NUP107: variants seen among roughly 807,000 people sequenced by gnomAD.
NUP107 encodes nuclear pore complex protein Nup107.
NUP107 carries 101 observed loss-of-function variants against 141.0 expected under a neutral mutation model. The ratio of observed to expected loss-of-function variants is 0.72; its 90% CI spans 0.61 to 0.84. The LOEUF is 0.84. Among genes scored for constraint, NUP107 ranks in the 40% least tolerant of loss-of-function variants. The pLI, the probability that NUP107 is intolerant of heterozygous loss-of-function variation, is 0.00. For synonymous variants in NUP107, 319 were observed against 363.9 expected, an observed-to-expected ratio of 0.88 and a Z score of 1.41; for missense variants, 941 against 1,102.7, an observed-to-expected ratio of 0.85 and a Z score of 2.08.
chr12:68,722,347 T>C (rs1877390874), intron 17 of NUP107, among the ~76,000 whole-genome samples, 195 bp downstream of exon 17: 1 of 152,182 alleles, frequency 6.6e-6, no homozygotes, highest in Non-Finnish European at 1.5e-5. Flanking sequence ...CGGATTAATT[T>C]CATCTAAGTA....
At chr12:68,690,564 G>A in intron 3 of NUP107, 67 bp from the exon 4 acceptor site, 1 of 1,601,224 alleles carries the variant, frequency 6.2e-7, no homozygotes. Flanking sequence ...TTGTTTGTTT[G>A]CTTACTTTGT....
chr12:68,705,702 T>G (rs1876545309), intron 8 of NUP107: 1 of 651,098 alleles, frequency 1.5e-6, no homozygotes, highest in South Asian at 1.4e-5. Context: ...TCAGTAGCCA[T>G]TCCTACATGT....
intron 7 of NUP107, among the ~76,000 whole-genome samples, chr12:68,701,622 C>T (rs557210044): frequency 1.3e-5 from 2 of 151,190 alleles, no homozygotes; most frequent in East Asian, 2.0e-4. Flanking sequence ...GCAGAGGTTG[C>T]GAGCCGAGAT....
chr12:68,737,262 A>G (rs1414597378), intron 26 of NUP107, among the ~76,000 whole-genome samples: 1 of 152,178 alleles, frequency 6.6e-6, no homozygotes, highest in African/African-American at 2.4e-5. Flanking sequence ...TAGTCTTGGG[A>G]TCTCATAAAA....
chr12:68,725,052 G>T (rs916585074), intron 17 of NUP107, among the ~76,000 whole-genome samples: 4 of 152,074 alleles, frequency 2.6e-5, no homozygotes, highest in African/African-American at 9.7e-5. Flanking sequence ...TTTCCATCCA[G>T]AAGAAAACAA....
chr12:68,721,054 T>C (rs1428836629), intron 14 of NUP107, 64 bp from the exon 15 acceptor site: 5 of 1,084,990 alleles, frequency 4.6e-6, no homozygotes, highest in Non-Finnish European at 7.0e-6. Flanking sequence ...CTCCACATTA[T>C]GAGGAAAATT....
chr12:68,718,182 G>A (rs898437040), intron 12 of NUP107, among the ~76,000 whole-genome samples: 2 of 152,150 alleles, frequency 1.3e-5, no homozygotes, highest in Admixed American at 6.5e-5. Context: ...GATACAAGAA[G>A]CTCCAAGCTT....
intron 21 of NUP107, among the ~76,000 whole-genome samples, 172 bp downstream of exon 21, chr12:68,731,432 T>C (rs1282895765): frequency 3.3e-5 from 5 of 152,252 alleles, no homozygotes; most frequent in Non-Finnish European, 7.3e-5. Context: ...CTGTAACTCA[T>C]ATGTAAAATA....
At chr12:68,726,352 A>C in intron 18 of NUP107, 147 bp from the exon 19 acceptor site, 1 of 557,694 alleles carries the variant, frequency 1.8e-6, no homozygotes, top group Non-Finnish European at 3.1e-6. Flanking sequence ...CTCTGTTTCA[A>C]AGAGGGTGTA....
At chr12:68,702,155 A>G (rs1012786899) in intron 7 of NUP107, among the ~76,000 whole-genome samples, 8 of 152,066 alleles carry the variant, frequency 5.3e-5, no homozygotes, top group Non-Finnish European at 1.2e-4. Flanking sequence ...CGCTTGGCTA[A>G]TTTTTATATT....
chr12:68,695,399 A>G (rs1306885620), intron 5 of NUP107, among the ~76,000 whole-genome samples: 1 of 152,218 alleles, frequency 6.6e-6, no homozygotes, highest in Non-Finnish European at 1.5e-5. Context: ...GGGGGAAACA[A>G]AATGTGATCT....
At chr12:68,710,292 A>G (rs1196163228) in intron 10 of NUP107, among the ~76,000 whole-genome samples, 199 bp downstream of exon 10, 1 of 152,218 alleles carries the variant, frequency 6.6e-6, no homozygotes, top group Non-Finnish European at 1.5e-5. Flanking sequence ...CTGATTTGCA[A>G]ATATACAGTT....
chr12:68,737,987 C>T (rs1371711714), intron 26 of NUP107, among the ~76,000 whole-genome samples: 2 of 151,864 alleles, frequency 1.3e-5, no homozygotes, highest in Non-Finnish European at 2.9e-5. Context: ...ACTAAAAATA[C>T]AAAAAATTGG....
rs1240739459 is a variant in NUP107, at chr12:68,733,550, A to T, written c.2200A>T (p.Ser734Cys). 1 of 1,613,682 alleles carries T rather than the reference A, an allele frequency of 6.2e-7. No homozygotes were observed. Among genetic ancestry groups the T allele is most frequent in the Non-Finnish European group, 8.5e-7 (1 of 1,179,722 alleles). ...TCAGTGCGAGGAACAAGGAATGGAA[A>T]GTCCACTTCCTGCTGAAGATGATAA... ...YNQCEEQGME[S>C]PLPAEDDNAI... Residue 734 changes from serine to cysteine, a missense_variant, in exon 24 of 28, where the codon AGT becomes TGT. By Grantham distance (112) the Ser-to-Cys change is moderately radical. Transcript: ENST00000229179.
chr12:68,729,372 A>G (rs2136041779), intron 20 of NUP107, among the ~76,000 whole-genome samples: 1 of 152,314 alleles, frequency 6.6e-6, no homozygotes, highest in South Asian at 2.1e-4. Context: ...TATATTTTAT[A>G]GTAGTAAGTG....
At chr12:68,695,196 T>C (rs1419350075) in intron 5 of NUP107, among the ~76,000 whole-genome samples, 1 of 152,236 alleles carries the variant, frequency 6.6e-6, no homozygotes, top group East Asian at 1.9e-4. Context: ...ACAGCTGCTA[T>C]GGAAAACAGT....
intron 5 of NUP107, among the ~76,000 whole-genome samples, chr12:68,692,430 T>G (rs1200884332): frequency 6.6e-6 from 1 of 151,918 alleles, no homozygotes; most frequent in Non-Finnish European, 1.5e-5. Context: ...AATACAAAAA[T>G]TAGTTGGGTA....
rs766647389 is a variant in NUP107 at position 68,719,306 on chromosome 12, G to T, written c.1084-35G>T. On this transcript the variant is annotated intron_variant, in intron 12 of 27. Coordinates refer to ENST00000229179, the MANE Select transcript of NUP107 (RefSeq NM_020401.4). The stretch of plus-strand genomic sequence containing the variant: ...TTATACTTTACTATAAAGCACCCTG[G>T]TTATTGGACTGACTGCTCTTTCTTG... The T allele has an allele frequency of 8.5e-6, 13 of 1,522,628 alleles. No individual in the cohort carries two copies. In the South Asian group the frequency reaches 1.0e-4, roughly 12 times the overall value. 94.3% of individuals were successfully genotyped at this position (1,522,628 alleles called of 1,614,324 possible).
At chr12:68,709,473 T>C (rs1028771832) in intron 9 of NUP107, among the ~76,000 whole-genome samples, 164 bp downstream of exon 9, 6 of 152,180 alleles carry the variant, frequency 3.9e-5, no homozygotes, top group African/African-American at 1.4e-4. Context: ...TTCTTTGATT[T>C]TTAAGTAATA....
Sources: gnomAD v4.1 joint callset for allele counts (sites outside exome capture counted in the v4.1 genomes callset) on GRCh38, gnomAD v4.1.1 for gene constraint, MANE v1.5 for transcripts, NCBI Gene and HGNC (gene_info 2026-07-23, HGNC 2026-07-21) for gene names.